CREB1: variants seen among roughly 807,000 people sequenced by gnomAD.
CREB1 encodes the protein cyclic AMP-responsive element-binding protein 1.
A neutral mutation model predicts 42.0 loss-of-function variants in CREB1; 2 were observed. The ratio of observed to expected loss-of-function variants is 0.05; its 90% confidence interval spans 0.02 to 0.15. The LOEUF is 0.15. CREB1 is among the 10% of genes least tolerant of loss of function. The pLI is 1.00. For synonymous variants in CREB1, 123 were observed against 139.9 expected, an observed-to-expected ratio of 0.88 and a Z score of 0.85; for missense variants, 199 against 388.9, an observed-to-expected ratio of 0.51 and a Z score of 4.11.
intron 7 of CREB1, among the ~76,000 whole-genome samples, chr2:207,583,751 C>T (rs2083341828): frequency 6.6e-6 from 1 of 152,184 alleles, no homozygotes; most frequent in Non-Finnish European, 1.5e-5. Context: ...TGTCATGTAT[C>T]TGTCACCACA....
intron 7 of CREB1, 86 bp from the exon 8 acceptor site, chr2:207,596,828 T>C: frequency 6.7e-6 from 10 of 1,503,084 alleles, no homozygotes; most frequent in Non-Finnish European, 8.1e-6. Flanking sequence ...GTGAGCTATT[T>C]CTTTAAAAAA....
chr2:207,530,602 G>A (rs960637504), intron 1 of CREB1, among the ~76,000 whole-genome samples: 1 of 148,076 alleles, frequency 6.8e-6, no homozygotes, highest in African/African-American at 2.4e-5. Flanking sequence ...CGCCCGCCTC[G>A]CCCCCGGCCC....
At chr2:207,548,587 C>T (rs757854250) in intron 1 of CREB1, among the ~76,000 whole-genome samples, 10 of 151,992 alleles carry the variant, frequency 6.6e-5, no homozygotes, top group Non-Finnish European at 1.3e-4. Flanking sequence ...CCTGTCTCTA[C>T]TAAAAATACA....
chr2:207,533,042 C>G (rs2080716772), intron 1 of CREB1, among the ~76,000 whole-genome samples: 1 of 151,764 alleles, frequency 6.6e-6, no homozygotes, highest in Non-Finnish European at 1.5e-5. Context: ...TACTTCTGCA[C>G]TGTTCCAGCC....
intron 1 of CREB1, among the ~76,000 whole-genome samples, chr2:207,542,566 T>A (rs980345256): frequency 6.6e-6 from 1 of 152,214 alleles, no homozygotes; most frequent in African/African-American, 2.4e-5. Flanking sequence ...TACAAATCTC[T>A]TGTCAGATAC....
intron 1 of CREB1, among the ~76,000 whole-genome samples, chr2:207,551,106 T>C (rs929337050): frequency 6.6e-6 from 1 of 152,228 alleles, no homozygotes; most frequent in Non-Finnish European, 1.5e-5. Context: ...ATAGAAAAAG[T>C]TCTTCCAAAA....
In CREB1 at chr2:207,598,108, C is replaced by G. The variant is rs2086467900; in HGVS notation, c.*1050C>G. ...ATGAAATGTTACATGTAGAAAAATACTGATTTTAAATATTTTCCATATTAA... is the reference window on the plus strand; with the variant it reads ...ATGAAATGTTACATGTAGAAAAATAGTGATTTTAAATATTTTCCATATTAA... On this transcript the variant is annotated 3_prime_UTR_variant, in exon 8 of 8. Coordinates refer to ENST00000353267, the MANE Select transcript of CREB1 (RefSeq NM_004379.5). 1 of 180,108 alleles carries G rather than the reference C, an allele frequency of 5.6e-6. No homozygotes were observed. Among genetic ancestry groups the G allele is most frequent in the Non-Finnish European group, 1.2e-5 (1 of 84,460 alleles). The allele number at this position is 180,108 out of a possible 1,614,324, so 11.2% of individuals were successfully genotyped here.
At chr2:207,538,409 A>G (rs1339759970) in intron 1 of CREB1, among the ~76,000 whole-genome samples, 1 of 152,184 alleles carries the variant, frequency 6.6e-6, no homozygotes, top group Non-Finnish European at 1.5e-5. Context: ...AAAGAAAATA[A>G]ACAGTAGTAC....
intron 6 of CREB1, chr2:207,577,000 T>A: frequency 3.3e-6 from 3 of 901,398 alleles, no homozygotes; most frequent in Non-Finnish European, 4.0e-6. Context: ...TTTTTCATAC[T>A]TTTAGTTTTG....
At position 207,603,064 on chromosome 2, in the gene CREB1, T is replaced by G. The variant is rs746516438; in HGVS notation, c.*6006T>G. ...ACAAAACAGGGTATTGATTTTTAAC[T>G]CTGATGTTTCTATTGGAGTTGAATA... is the stretch of plus-strand genomic sequence containing the variant. On this transcript the variant is annotated 3_prime_UTR_variant, in exon 8 of 8. Transcript: ENST00000353267. The G allele has an allele frequency of 2.4e-4, 51 of 211,886 alleles. 1 individual carries two copies. Among genetic ancestry groups the G allele is most frequent in the Non-Finnish European group, 4.0e-4 (42 of 104,776 alleles). 13.1% of individuals were successfully genotyped at this position (211,886 alleles called of 1,614,324 possible). A position where few individuals can be genotyped will look rare whatever the true frequency, so the allele number is the denominator to read the frequency against.
intron 7 of CREB1, among the ~76,000 whole-genome samples, chr2:207,593,280 C>A (rs913941007): frequency 3.9e-5 from 6 of 152,142 alleles, no homozygotes; most frequent in Admixed American, 1.3e-4. Context: ...AATCCCAGCA[C>A]TTTGGGAGGC....
At chr2:207,550,842 C>CTTTATTTT (rs2081476267) in intron 1 of CREB1, among the ~76,000 whole-genome samples, 1 of 152,056 alleles carries the variant, frequency 6.6e-6, no homozygotes, top group Non-Finnish European at 1.5e-5. Context: ...TACTGAGAAC[C>CTTTATTTT]TCCAACCTTC....
chr2:207,539,700 C>A (rs893076419), intron 1 of CREB1, among the ~76,000 whole-genome samples: 1 of 152,068 alleles, frequency 6.6e-6, no homozygotes, highest in African/African-American at 2.4e-5. Context: ...AGAGTTTTTA[C>A]TGTCTTGAAG....
chr2:207,575,153 T>G lies in CREB1; in HGVS notation c.506-119T>G, dbSNP rs531396015. On this transcript the variant is annotated intron_variant, in intron 5 of 7. Transcript: ENST00000353267. ...CTTGAATATATTAGACCCTTCTTGG[T>G]GATGTTATTTGCTGTAACTTCTCCT... The G allele has an allele frequency of 1.2e-3, 1,243 of 1,012,058 alleles. 5 individuals are homozygous for G. Among genetic ancestry groups the G allele is most frequent in the Middle Eastern group, 5.8e-3 (20 of 3,440 alleles). The allele number at this position is 1,012,058 out of a possible 1,614,324, so 62.7% of individuals were successfully genotyped here.
Position 207,577,493 on chromosome 2 carries a change from T to G in CREB1, c.689-12T>G. 4 of 1,613,442 alleles carry G rather than the reference T, an allele frequency of 2.5e-6. No homozygotes were observed. Among genetic ancestry groups the G allele is most frequent in the Non-Finnish European group, 3.4e-6 (4 of 1,179,508 alleles). On this transcript the variant is annotated splice_polypyrimidine_tract_variant and intron_variant, in intron 6 of 7. Transcript: ENST00000353267. Reference sequence around the variant, plus strand: ...TGTTTCTGTCTTACACCATGCTCACTGTTTTTTTCAGCTGCCTCTGGAGAC... The same window carrying G: ...TGTTTCTGTCTTACACCATGCTCACGGTTTTTTTCAGCTGCCTCTGGAGAC...
chr2:207,541,126 A>G (rs1038164646), intron 1 of CREB1, among the ~76,000 whole-genome samples: 3 of 152,112 alleles, frequency 2.0e-5, no homozygotes, highest in Admixed American at 6.5e-5. Context: ...AGGCTGAGGC[A>G]GGAGAATAGC....
intron 1 of CREB1, among the ~76,000 whole-genome samples, chr2:207,540,991 A>G (rs1025545032): frequency 1.3e-5 from 2 of 152,152 alleles, no homozygotes; most frequent in African/African-American, 4.8e-5. Flanking sequence ...AGGCCAAGGC[A>G]GGTGGATTAC....
intron 7 of CREB1, among the ~76,000 whole-genome samples, chr2:207,587,399 A>C (rs914165912): frequency 2.0e-5 from 3 of 151,880 alleles, no homozygotes; most frequent in African/African-American, 7.2e-5. Flanking sequence ...TCTCAAAAAA[A>C]AAAAAAAGGA....
At chr2:207,533,389 G>C (rs1449713675) in intron 1 of CREB1, among the ~76,000 whole-genome samples, 1 of 152,026 alleles carries the variant, frequency 6.6e-6, no homozygotes, top group Non-Finnish European at 1.5e-5. Context: ...ATTTGGTTTT[G>C]TTTGTTTGGA....
Sources: gnomAD v4.1 joint callset for allele counts (sites outside exome capture counted in the v4.1 genomes callset) on GRCh38, gnomAD v4.1.1 for gene constraint, MANE v1.5 for transcripts, NCBI Gene and HGNC (gene_info 2026-07-23, HGNC 2026-07-21) for gene names.